Variants in EPHA5 observed in about 807,000 individuals in gnomAD.
EPHA5 encodes EPH receptor A5, also known as ephrin type-A receptor 5.
EPHA5 carries 60 observed loss-of-function variants against 105.0 expected under a neutral mutation model. The ratio of observed to expected loss-of-function variants is 0.57; its 90% CI spans 0.46 to 0.71. The LOEUF is 0.71. EPHA5 is among the 30% of genes least tolerant of loss of function. The pLI is 0.00. For synonymous variants in EPHA5, 513 were observed against 449.1 expected (o/e 1.14, Z -1.80); for missense variants, 1,218 against 1,274.7 (o/e 0.96, Z 0.68).
At chr4:65,368,364 T>C (rs1018579966) in intron 8 of EPHA5, among the ~76,000 whole-genome samples, 58 of 152,306 alleles carry the variant, frequency 3.8e-4, no homozygotes, top group African/African-American at 1.3e-3. Context: ...TCAATGGACC[T>C]GAAAATGAAA....
chr4:65,493,472 G>C (rs1013654457), intron 4 of EPHA5, among the ~76,000 whole-genome samples: 2 of 152,122 alleles, frequency 1.3e-5, no homozygotes, highest in Non-Finnish European at 2.9e-5. Context: ...ATCTTCATCT[G>C]AACATCTATC....
intron 3 of EPHA5, among the ~76,000 whole-genome samples, chr4:65,529,999 T>G (rs560134965): frequency 6.6e-6 from 1 of 152,218 alleles, no homozygotes; most frequent in Non-Finnish European, 1.5e-5. Context: ...CTATCAACAA[T>G]TTTAAAAAAC....
At chr4:65,632,696 C>G (rs1329712078) in intron 2 of EPHA5, among the ~76,000 whole-genome samples, 1 of 152,020 alleles carries the variant, frequency 6.6e-6, no homozygotes, top group South Asian at 2.1e-4. Context: ...AAGGTCTTTA[C>G]AGTAGAACAG....
At chr4:65,518,422 C>G (rs1171660248) in intron 3 of EPHA5, among the ~76,000 whole-genome samples, 1 of 151,780 alleles carries the variant, frequency 6.6e-6, no homozygotes, top group Non-Finnish European at 1.5e-5. Context: ...TATATTCACA[C>G]ACACACACAC....
intron 5 of EPHA5, among the ~76,000 whole-genome samples, chr4:65,452,507 CTAAG>C (rs1033312663): frequency 4.0e-5 from 6 of 150,858 alleles, no homozygotes; most frequent in African/African-American, 1.5e-4. Flanking sequence ...GGTAGTTACT[CTAAG>C]TAAACTTGTG....
At chr4:65,418,946 C>T (rs925144339) in intron 6 of EPHA5, among the ~76,000 whole-genome samples, 2 of 123,818 alleles carry the variant, frequency 1.6e-5, no homozygotes, top group African/African-American at 3.2e-5. Context: ...TGCAATGGTG[C>T]GATCTTGGCT....
In EPHA5 at chr4:65,583,471, A is replaced by T. The variant is rs567315312; in HGVS notation, c.910+18170T>A. Among the ~76,000 whole-genome samples the T allele has an allele frequency of 3.4e-4, 52 of 151,952 alleles. No homozygotes were observed. In the East Asian group the frequency reaches 6.8e-3, roughly 20 times the overall value. ...TCTGAATATTTAAAGTACACGAATC[A>T]ATTTATATATCACCAATAAAATTCA... On this transcript the variant is annotated intron_variant, in intron 3 of 16. Transcript: ENST00000613740.
chr4:65,390,154 A>G (rs1720563169), intron 8 of EPHA5, among the ~76,000 whole-genome samples: 1 of 152,044 alleles, frequency 6.6e-6, no homozygotes, highest in African/African-American at 2.4e-5. Flanking sequence ...ATGGCTAGCC[A>G]GTTCCTAGAA....
At chr4:65,610,349 G>A (rs199943657) in intron 2 of EPHA5, among the ~76,000 whole-genome samples, 1 of 151,940 alleles carries the variant, frequency 6.6e-6, no homozygotes, top group East Asian at 1.9e-4. Flanking sequence ...AGGAACAACA[G>A]ACACTAGGGA....
chr4:65,420,714 GA>G, intron 5 of EPHA5, 149 bp from the exon 6 acceptor site: 2 of 617,936 alleles, frequency 3.2e-6, no homozygotes, highest in South Asian at 3.7e-5. Flanking sequence ...AAGGTTTAAA[GA>G]TTGTGAAGAT....
At chr4:65,541,235 A>T (rs1370883925) in intron 3 of EPHA5, among the ~76,000 whole-genome samples, 1 of 151,590 alleles carries the variant, frequency 6.6e-6, no homozygotes, top group Non-Finnish European at 1.5e-5. Flanking sequence ...ATGATAGGAT[A>T]AAATTCACAT....
At chr4:65,612,306 C>A (rs1416239010) in intron 2 of EPHA5, among the ~76,000 whole-genome samples, 1 of 152,000 alleles carries the variant, frequency 6.6e-6, no homozygotes, top group African/African-American at 2.4e-5. Flanking sequence ...TAAGTAATTT[C>A]TCATCCCTCA....
At chr4:65,465,523 G>GA (rs373304377) in intron 5 of EPHA5, among the ~76,000 whole-genome samples, 29 of 86,582 alleles carry the variant, frequency 3.3e-4, no homozygotes, top group South Asian at 1.6e-3. Flanking sequence ...AAGAAAGAAA[G>GA]AAAGAAAAGA....
intron 3 of EPHA5, among the ~76,000 whole-genome samples, chr4:65,596,284 T>C (rs1743176353): frequency 3.3e-5 from 5 of 152,076 alleles, no homozygotes; most frequent in Admixed American, 2.6e-4. Context: ...TTAGGCAATA[T>C]CTAGACACAT....
chr4:65,528,954 T>G (rs1475237111), intron 3 of EPHA5, among the ~76,000 whole-genome samples: 2 of 152,136 alleles, frequency 1.3e-5, no homozygotes, highest in Non-Finnish European at 2.9e-5. Flanking sequence ...GCCCACAATG[T>G]CAGTGATAAA....
intron 2 of EPHA5, among the ~76,000 whole-genome samples, chr4:65,627,020 C>CA (rs1746217641): frequency 1.3e-5 from 2 of 152,222 alleles, no homozygotes; most frequent in South Asian, 4.1e-4. Context: ...CCAACATACC[C>CA]AACACTATAT....
At chr4:65,543,794 A>C (rs1737088945) in intron 3 of EPHA5, among the ~76,000 whole-genome samples, 1 of 151,796 alleles carries the variant, frequency 6.6e-6, no homozygotes, top group African/African-American at 2.4e-5. Context: ...GTACAAAGCC[A>C]GCGATATCAC....
intron 2 of EPHA5, among the ~76,000 whole-genome samples, chr4:65,612,153 A>T (rs995604357): frequency 6.6e-6 from 1 of 151,768 alleles, no homozygotes; most frequent in Non-Finnish European, 1.5e-5. Flanking sequence ...TTAATTTTTT[A>T]AAACAGATTT....
At chr4:65,645,738 G>A (rs900268986) in intron 1 of EPHA5, among the ~76,000 whole-genome samples, 9 of 151,622 alleles carry the variant, frequency 5.9e-5, no homozygotes, top group African/African-American at 2.2e-4. Context: ...CAGAATACAT[G>A]AGAATAACTA....
Sources: gnomAD v4.1 joint callset for allele counts (sites outside exome capture counted in the v4.1 genomes callset) on GRCh38, gnomAD v4.1.1 for gene constraint, MANE v1.5 for transcripts, NCBI Gene and HGNC (gene_info 2026-07-23, HGNC 2026-07-21) for gene names.